ACACA: variants seen among roughly 807,000 people sequenced by gnomAD.
ACACA encodes the protein acetyl-CoA carboxylase 1.
ACACA carries 103 observed loss-of-function variants against 296.1 expected under a neutral mutation model. The ratio of observed to expected loss-of-function variants is 0.35; its 90% CI spans 0.30 to 0.41. The LOEUF (loss-of-function observed/expected upper bound fraction) is 0.41, where lower values mean the gene tolerates loss of function less well. Ranked by LOEUF, ACACA falls within the 10% of genes least tolerant of loss-of-function variation. ACACA has a pLI of 1.00. For missense variants in ACACA, 1,554 were observed against 2,989.7 expected (o/e 0.52, Z 11.20); for synonymous variants, 953 against 1,038.6 (o/e 0.92, Z 1.58).
intron 1 of ACACA, among the ~76,000 whole-genome samples, chr17:37,347,931 G>A (rs2048708394): frequency 6.6e-6 from 1 of 152,078 alleles, no homozygotes; most frequent in African/African-American, 2.4e-5. Flanking sequence ...TAGCACTTTG[G>A]GAGGGCAAGG....
rs199812919 is a variant in ACACA at position 37,298,138 on chromosome 17, T to C, written c.339-13168A>G. Among the ~76,000 whole-genome samples, 57 of 152,222 alleles carry C rather than the reference T, an allele frequency of 3.7e-4. No individual in the cohort carries two copies. The East Asian group carries it at 9.3e-3, about 25-fold the overall frequency. On this transcript the variant is annotated intron_variant, in intron 3 of 55. Transcript: ENST00000616317. ...GCACTCAGCTATATTGTAGTTACTTTTATACCTCTTTGCCTCTCAGTGGAA... is the reference window on the plus strand; with the variant it reads ...GCACTCAGCTATATTGTAGTTACTTCTATACCTCTTTGCCTCTCAGTGGAA...
chr17:37,281,020 G>T (rs1468632626), intron 5 of ACACA, among the ~76,000 whole-genome samples: 1 of 150,418 alleles, frequency 6.6e-6, no homozygotes, highest in East Asian at 1.9e-4. Context: ...ACTCATTCTT[G>T]GTTAGACATA....
intron 40 of ACACA, 28 bp from the exon 41 acceptor site, chr17:37,179,434 C>T: frequency 6.2e-7 from 1 of 1,612,210 alleles, no homozygotes; most frequent in Non-Finnish European, 8.5e-7. Flanking sequence ...TTTGACTAAT[C>T]AGTCACAATA....
At chr17:37,236,432 G>A (rs912041567) in intron 24 of ACACA, among the ~76,000 whole-genome samples, 9 of 151,610 alleles carry the variant, frequency 5.9e-5, no homozygotes, top group African/African-American at 1.5e-4. Flanking sequence ...ACATTTACCC[G>A]GGGTGAGGGG....
chr17:37,368,131 G>A (rs1004322601), intron 1 of ACACA, among the ~76,000 whole-genome samples: 1 of 151,984 alleles, frequency 6.6e-6, no homozygotes, highest in Non-Finnish European at 1.5e-5. Context: ...CACCCACCAT[G>A]AGCAACAGAG....
At chr17:37,372,362 G>A (rs951021731) in intron 1 of ACACA, among the ~76,000 whole-genome samples, 12 of 149,198 alleles carry the variant, frequency 8.0e-5, no homozygotes, top group Middle Eastern at 3.4e-3. Context: ...GCAGTGAGCC[G>A]AGATCGCGCC....
At chr17:37,260,267 TA>T (rs1567898699) in intron 11 of ACACA, among the ~76,000 whole-genome samples, 2 of 21,138 alleles carry the variant, frequency 9.5e-5, no homozygotes. Context: ...TATATATATA[TA>T]TATATATATA....
chr17:37,266,005 T>A (rs1303689894), intron 10 of ACACA, among the ~76,000 whole-genome samples: 2 of 152,184 alleles, frequency 1.3e-5, no homozygotes, highest in African/African-American at 4.8e-5. Context: ...CTTTGTGGGT[T>A]TCCTATGAAT....
At chr17:37,183,044 A>C (rs745306758) in intron 39 of ACACA, among the ~76,000 whole-genome samples, 16 of 152,192 alleles carry the variant, frequency 1.1e-4, no homozygotes, top group Admixed American at 2.0e-4. Flanking sequence ...AAGAGATTCA[A>C]AGTGTTAAGT....
At chr17:37,287,569 T>TAAAAAAAAAAAAA (rs1170331801) in intron 3 of ACACA, among the ~76,000 whole-genome samples, 1 of 69,928 alleles carries the variant, frequency 1.4e-5, no homozygotes, top group Non-Finnish European at 2.8e-5. Flanking sequence ...ACGTCTCTAC[T>TAAAAAAAAAAAAA]AAAAAAAAAA....
At chr17:37,377,780 C>G in intron 1 of ACACA, 3 of 894,674 alleles carry the variant, frequency 3.4e-6, no homozygotes, top group Non-Finnish European at 5.3e-6. Context: ...TCTTTCATAT[C>G]TTCTCCATTG....
At chr17:37,319,679 G>A (rs896876559) in intron 3 of ACACA, among the ~76,000 whole-genome samples, 2 of 152,018 alleles carry the variant, frequency 1.3e-5, no homozygotes, top group Non-Finnish European at 1.5e-5. Context: ...TAGGCCAGGC[G>A]CTGTGGCTCA....
chr17:37,375,292 C>G (rs756152450), intron 1 of ACACA, among the ~76,000 whole-genome samples: 2 of 152,140 alleles, frequency 1.3e-5, no homozygotes, highest in African/African-American at 2.4e-5. Flanking sequence ...TAAGACCATC[C>G]TGTCTAACAC....
chr17:37,394,310 A>T (rs2051000610), intron 1 of ACACA, among the ~76,000 whole-genome samples: 1 of 151,442 alleles, frequency 6.6e-6, no homozygotes, highest in African/African-American at 2.4e-5. Flanking sequence ...TCCCGGGTTC[A>T]AACTATTCTC....
chr17:37,250,401 A>T (rs1237648418), intron 16 of ACACA, among the ~76,000 whole-genome samples: 3 of 152,170 alleles, frequency 2.0e-5, no homozygotes, highest in Admixed American at 1.3e-4. Flanking sequence ...GCTATTTGGG[A>T]GGCCAAAGCA....
chr17:37,210,638 C>CA, intron 29 of ACACA, 148 bp from the exon 30 acceptor site: 1 of 724,518 alleles, frequency 1.4e-6, no homozygotes, highest in Non-Finnish European at 2.5e-6. Flanking sequence ...CATTACCCTT[C>CA]AACCCCCAGG....
At chr17:37,192,060 G>A (rs1006284130) in intron 37 of ACACA, 30 bp downstream of exon 37, 23 of 1,602,310 alleles carry the variant, frequency 1.4e-5, no homozygotes, top group Non-Finnish European at 2.0e-5. Flanking sequence ...TTCCCTCAGG[G>A]ATAACATCCC....
At chr17:37,368,156 T>G (rs1033328286) in intron 1 of ACACA, among the ~76,000 whole-genome samples, 6 of 151,960 alleles carry the variant, frequency 3.9e-5, no homozygotes, top group Admixed American at 3.9e-4. Flanking sequence ...GGCCCTGTCT[T>G]AGCTATGAGG....
chr17:37,358,867 G>T, intron 1 of ACACA: 1 of 853,020 alleles, frequency 1.2e-6, no homozygotes, highest in Non-Finnish European at 1.4e-6. Context: ...ACCCGATCTG[G>T]ATAGTGTGGA....
Sources: allele counts gnomAD v4.1 joint callset (sites outside exome capture counted in the v4.1 genomes callset), GRCh38; gene constraint gnomAD v4.1.1; transcripts MANE v1.5; gene names NCBI Gene and HGNC (gene_info 2026-07-23, HGNC 2026-07-21).